SLC24A2: variants seen among roughly 807,000 people sequenced by gnomAD.
SLC24A2 encodes the protein sodium/potassium/calcium exchanger 2.
SLC24A2 carries 36 observed loss-of-function variants against 62.0 expected under a neutral mutation model. That is an observed-to-expected ratio of 0.58 (90% CI 0.44 to 0.77). The LOEUF is 0.77. Among genes scored for constraint, SLC24A2 ranks in the 30% least tolerant of loss-of-function variants. SLC24A2 has a pLI of 0.00. For missense variants in SLC24A2, 846 were observed against 817.9 expected, an observed-to-expected ratio of 1.03 and a Z score of -0.42; for synonymous variants, 358 against 294.0, an observed-to-expected ratio of 1.22 and a Z score of -2.23.
chr9:20,272,589 A>G, the SLC24A2 span, among the ~76,000 whole-genome samples: 1 of 152,226 alleles, frequency 6.6e-6, no homozygotes, highest in Admixed American at 6.5e-5. Context: ...AAACTGAGAA[A>G]CTAAAACTCC....
At chr9:19,887,999 GACAAAAGCCT>G in the SLC24A2 span, among the ~76,000 whole-genome samples, 1 of 152,130 alleles carries the variant, frequency 6.6e-6, no homozygotes, top group Non-Finnish European at 1.5e-5. Flanking sequence ...TGGAGTGAGG[GACAAAAGCCT>G]ACAAATTGGG....
chr9:20,294,210 C>A, the SLC24A2 span, among the ~76,000 whole-genome samples: 3 of 152,212 alleles, frequency 2.0e-5, no homozygotes, highest in Non-Finnish European at 4.4e-5. Context: ...TAGGCTGCAC[C>A]CTGCTGGCCT....
intron 5 of SLC24A2, among the ~76,000 whole-genome samples, chr9:19,587,976 G>A (rs1836425176): frequency 6.6e-6 from 1 of 152,148 alleles, no homozygotes; most frequent in African/African-American, 2.4e-5. Context: ...CTGGTTTTCA[G>A]GAAGACTGTG....
At chr9:20,248,850 C>T in the SLC24A2 span, among the ~76,000 whole-genome samples, 1 of 152,190 alleles carries the variant, frequency 6.6e-6, no homozygotes, top group East Asian at 1.9e-4. Flanking sequence ...AGACCTCCTA[C>T]AGGGCACTTA....
At chr9:19,618,631 T>G (rs984515361) in intron 4 of SLC24A2, among the ~76,000 whole-genome samples, 2 of 152,152 alleles carry the variant, frequency 1.3e-5, no homozygotes, top group African/African-American at 4.8e-5. Context: ...TTGCTTATAT[T>G]CTTGAAATTA....
At chr9:20,195,642 C>T in the SLC24A2 span, among the ~76,000 whole-genome samples, 1 of 152,040 alleles carries the variant, frequency 6.6e-6, no homozygotes, top group East Asian at 1.9e-4. Flanking sequence ...GTGTGTCTTC[C>T]ATTTAATGTT....
chr9:20,292,504 C>T, the SLC24A2 span, among the ~76,000 whole-genome samples: 1 of 152,224 alleles, frequency 6.6e-6, no homozygotes, highest in Non-Finnish European at 1.5e-5. Flanking sequence ...CATACTGATT[C>T]TCCCTTAGCT....
chr9:19,626,889 A>C (rs751999846), intron 2 of SLC24A2, among the ~76,000 whole-genome samples: 2 of 152,206 alleles, frequency 1.3e-5, no homozygotes, highest in Non-Finnish European at 2.9e-5. Context: ...TACAAGGTGC[A>C]AAGTCCTCAA....
chr9:20,243,669 C>A, the SLC24A2 span, among the ~76,000 whole-genome samples: 2 of 152,090 alleles, frequency 1.3e-5, no homozygotes, highest in Non-Finnish European at 2.9e-5. Context: ...TTATTACCAG[C>A]CTAGACAATG....
At chr9:19,658,042 T>G (rs1415473088) in intron 2 of SLC24A2, among the ~76,000 whole-genome samples, 1 of 152,156 alleles carries the variant, frequency 6.6e-6, no homozygotes, top group Non-Finnish European at 1.5e-5. Flanking sequence ...CCACAAACCA[T>G]AGCATCCCCC....
intron 2 of SLC24A2, among the ~76,000 whole-genome samples, chr9:19,624,531 C>CATAAAAAGTGG (rs1172888561): frequency 7.2e-5 from 11 of 152,150 alleles, no homozygotes; most frequent in African/African-American, 2.6e-4. Context: ...GATCATAAAA[C>CATAAAAAGTGG]ATAAAAAGTG....
At chr9:20,253,058 T>C in the SLC24A2 span, among the ~76,000 whole-genome samples, 1 of 152,214 alleles carries the variant, frequency 6.6e-6, no homozygotes, top group Non-Finnish European at 1.5e-5. Context: ...GCACCCACTT[T>C]TGTTGCCTAT....
the SLC24A2 span, among the ~76,000 whole-genome samples, chr9:20,262,087 C>T: frequency 6.6e-6 from 1 of 152,094 alleles, no homozygotes. Flanking sequence ...ACATTGCTAA[C>T]ATGTTACATT....
chr9:19,814,650 T>A, the SLC24A2 span, among the ~76,000 whole-genome samples: 2 of 152,146 alleles, frequency 1.3e-5, no homozygotes, highest in Non-Finnish European at 2.9e-5. Flanking sequence ...GATGAACCAG[T>A]CTTTTTTGGC....
chr9:19,693,624 GA>G (rs777755503), intron 2 of SLC24A2, among the ~76,000 whole-genome samples: 55 of 152,034 alleles, frequency 3.6e-4, no homozygotes, highest in Non-Finnish European at 6.6e-4. Context: ...ACAAAAATAA[GA>G]AAAGGACATC....
intron 2 of SLC24A2, among the ~76,000 whole-genome samples, chr9:19,753,116 C>T (rs1822034462): frequency 2.6e-5 from 4 of 152,170 alleles, no homozygotes; most frequent in Admixed American, 2.6e-4. Flanking sequence ...CATACTCTAG[C>T]TGGATGGGCC....
the SLC24A2 span, among the ~76,000 whole-genome samples, chr9:20,194,354 A>G: frequency 6.6e-6 from 1 of 152,122 alleles, no homozygotes; most frequent in African/African-American, 2.4e-5. Flanking sequence ...CATTTGACTG[A>G]AGCCCGATTC....
the SLC24A2 span, among the ~76,000 whole-genome samples, chr9:20,290,867 C>G: frequency 2.0e-5 from 3 of 152,232 alleles, no homozygotes; most frequent in African/African-American, 4.8e-5. Flanking sequence ...GCCCAGGAGG[C>G]ACAGATAAGG....
At chr9:20,300,357 AAT>A in the SLC24A2 span, among the ~76,000 whole-genome samples, 1 of 152,172 alleles carries the variant, frequency 6.6e-6, no homozygotes, top group Non-Finnish European at 1.5e-5. Flanking sequence ...GACTTTGAAA[AAT>A]AGTCACTTAG....
Sources: gnomAD v4.1 joint callset for allele counts (sites outside exome capture counted in the v4.1 genomes callset) on GRCh38, gnomAD v4.1.1 for gene constraint, MANE v1.5 for transcripts, NCBI Gene and HGNC (gene_info 2026-07-23, HGNC 2026-07-21) for gene names.